Variants in ARHGAP6 observed in about 807,000 individuals in gnomAD.
ARHGAP6 encodes rho GTPase-activating protein 6.
A neutral mutation model predicts 55.7 loss-of-function variants in ARHGAP6; 16 were observed. That is an observed-to-expected ratio of 0.29 (90% CI 0.19 to 0.44). ARHGAP6 has a LOEUF of 0.44. Ranked by LOEUF, ARHGAP6 falls within the 20% of genes least tolerant of loss-of-function variation. ARHGAP6 has a pLI of 1.00. For missense variants in ARHGAP6, 698 were observed against 808.9 expected (o/e 0.86, Z 1.66); for synonymous variants, 382 against 360.9 (o/e 1.06, Z -0.66).
chrX:11,313,492 A>C (rs935136758), intron 1 of ARHGAP6, among the ~76,000 whole-genome samples: 1 of 111,795 alleles, frequency 8.9e-6, no homozygotes, highest in African/African-American at 3.3e-5. Context: ...CTAAGGCGTC[A>C]GTCACAGGGC....
At chrX:11,147,487 G>A (rs1602730246) in intron 10 of ARHGAP6, among the ~76,000 whole-genome samples, 1 of 112,568 alleles carries the variant, frequency 8.9e-6, no homozygotes, top group South Asian at 3.6e-4. Flanking sequence ...GCCTTTCAGA[G>A]CATGTCTCTC....
chrX:11,664,802 G>C lies in ARHGAP6; in HGVS notation c.27C>G (p.Ser9Arg). MSAQSLLH[S>R]VFSCSSPASS... is the part of the protein sequence containing the mutation. ...AAGCGGGCGAGGAACAGGAGAAGAC[G>C]CTGTGGAGCAGGCTCTGCGCGGACA... The change falls in exon 1 of 13, where the codon AGC becomes AGG. Residue 9 changes from serine to arginine, a missense_variant. Around this residue, in one of 3 missense-constraint regions of ARHGAP6, gnomAD observed 164 missense variants for 149.2 expected, o/e 1.10. Coordinates refer to ENST00000337414, the MANE Select transcript of ARHGAP6 (RefSeq NM_013427.3). 8.3e-7 allele frequency: 1 copy of C among 1,198,684 alleles called. No individual in the cohort carries two copies. Among genetic ancestry groups the C allele is most frequent in the East Asian group, 3.0e-5 (1 of 33,319 alleles).
chrX:11,473,953 T>G (rs751591043), intron 1 of ARHGAP6, among the ~76,000 whole-genome samples: 10 of 111,398 alleles, frequency 9.0e-5, no homozygotes, highest in Non-Finnish European at 1.9e-4. Flanking sequence ...TAAAGCTGCC[T>G]TCTCAACACT....
chrX:11,617,266 G>A (rs2052176928), intron 1 of ARHGAP6, among the ~76,000 whole-genome samples: 1 of 111,923 alleles, frequency 8.9e-6, no homozygotes. Flanking sequence ...TTTTAAATAT[G>A]TCTACTAGAA....
At chrX:11,467,192 A>G (rs1184370309) in intron 1 of ARHGAP6, among the ~76,000 whole-genome samples, 1 of 111,159 alleles carries the variant, frequency 9.0e-6, no homozygotes, top group Non-Finnish European at 1.9e-5. Context: ...TAACCCCAAC[A>G]CTTTGGGAGG....
chrX:11,407,849 C>A (rs1279535535), intron 1 of ARHGAP6, among the ~76,000 whole-genome samples: 1 of 111,131 alleles, frequency 9.0e-6, no homozygotes, highest in Non-Finnish European at 1.9e-5. Context: ...GGATGATATT[C>A]AAAGGAATAG....
intron 1 of ARHGAP6, among the ~76,000 whole-genome samples, chrX:11,540,394 T>A (rs1394835066): frequency 4.5e-5 from 5 of 111,598 alleles, no homozygotes; most frequent in Non-Finnish European, 1.9e-5. Flanking sequence ...GGTCCCATGC[T>A]ATAAGAAACC....
intron 1 of ARHGAP6, among the ~76,000 whole-genome samples, chrX:11,335,522 T>G (rs1470669564): frequency 8.9e-6 from 1 of 111,811 alleles, no homozygotes; most frequent in African/African-American, 3.3e-5. Context: ...GTTTCCAGCT[T>G]CATCCATGTC....
intron 1 of ARHGAP6, among the ~76,000 whole-genome samples, chrX:11,605,903 A>G (rs775477780): frequency 1.8e-4 from 20 of 110,619 alleles, no homozygotes; most frequent in Non-Finnish European, 2.8e-4. Context: ...AGTATGAGCT[A>G]TATGAGAGCC....
At chrX:11,575,738 A>G (rs1419840055) in intron 1 of ARHGAP6, among the ~76,000 whole-genome samples, 1 of 112,189 alleles carries the variant, frequency 8.9e-6, no homozygotes, top group East Asian at 2.8e-4. Context: ...GCAGAAATGA[A>G]AGCAACAAGG....
At chrX:11,280,511 T>C (rs2047841005) in intron 1 of ARHGAP6, among the ~76,000 whole-genome samples, 1 of 111,290 alleles carries the variant, frequency 9.0e-6, no homozygotes, top group Non-Finnish European at 1.9e-5. Context: ...TAGCAGCGTC[T>C]GTGTCACAGA....
intron 1 of ARHGAP6, among the ~76,000 whole-genome samples, chrX:11,478,800 A>C (rs2050428250): frequency 8.9e-6 from 1 of 111,941 alleles, no homozygotes; most frequent in Admixed American, 9.5e-5. Context: ...AAAGATGCTA[A>C]CTATCAAGAA....
chrX:11,151,129 T>G (rs2045769848), intron 10 of ARHGAP6, among the ~76,000 whole-genome samples: 1 of 111,541 alleles, frequency 9.0e-6, no homozygotes, highest in South Asian at 3.8e-4. Context: ...CCATTCTCAT[T>G]CCCTATTTCC....
chrX:11,393,772 T>C (rs918160940), intron 1 of ARHGAP6, among the ~76,000 whole-genome samples: 6 of 111,898 alleles, frequency 5.4e-5, no homozygotes, highest in African/African-American at 1.9e-4. Flanking sequence ...GGATTTCCAC[T>C]GAGAGCTGTC....
intron 1 of ARHGAP6, among the ~76,000 whole-genome samples, chrX:11,515,122 C>T (rs961716335): frequency 2.7e-5 from 3 of 111,845 alleles, no homozygotes; most frequent in African/African-American, 9.8e-5. Flanking sequence ...TAATGTCTGT[C>T]ATGGACCTGA....
intron 1 of ARHGAP6, among the ~76,000 whole-genome samples, chrX:11,418,320 C>T (rs183053503): frequency 1.8e-5 from 2 of 112,099 alleles, no homozygotes; most frequent in Admixed American, 1.9e-4. Context: ...GGCGGTTTAA[C>T]TGCAATACTT....
chrX:11,277,648 T>C (rs1479392775), intron 1 of ARHGAP6, among the ~76,000 whole-genome samples: 3 of 110,960 alleles, frequency 2.7e-5, no homozygotes, highest in Non-Finnish European at 5.7e-5. Context: ...TTTTGCTTTT[T>C]ACAGTCTGAT....
At chrX:11,225,409 C>A (rs754629500) in intron 2 of ARHGAP6, among the ~76,000 whole-genome samples, 2 of 111,025 alleles carry the variant, frequency 1.8e-5, no homozygotes, top group East Asian at 5.6e-4. Flanking sequence ...AAATACTCTT[C>A]ATTTGAAACC....
intron 10 of ARHGAP6, chrX:11,148,546 G>A (rs1246517978): frequency 3.5e-6 from 1 of 288,317 alleles, no homozygotes; most frequent in African/African-American, 2.7e-5. Flanking sequence ...CAAACCCCAG[G>A]ACCATCTACA....
Sources: allele counts gnomAD v4.1 joint callset (sites outside exome capture counted in the v4.1 genomes callset), GRCh38; gene constraint gnomAD v4.1.1; regional missense constraint gnomAD v4.1.1; transcripts MANE v1.5; gene names NCBI Gene and HGNC (gene_info 2026-07-23, HGNC 2026-07-21).